The following PTPRG variants were observed in gnomAD, a reference collection of about 807,000 sequenced individuals.
PTPRG encodes the protein protein tyrosine phosphatase receptor type G.
In PTPRG, 102 loss-of-function variants were observed where a neutral mutation model predicts 165.3. The observed-to-expected ratio is 0.62, with a 90% CI of 0.53 to 0.73. PTPRG has a LOEUF of 0.73. Ranked by LOEUF, PTPRG falls within the 30% of genes least tolerant of loss-of-function variation. The pLI is 0.00. For missense variants in PTPRG, 1,866 were observed against 1,861.4 expected (o/e 1.00, Z -0.05); for synonymous variants, 675 against 669.5 (o/e 1.01, Z -0.13).
chr3:62,136,746 C>T (rs1703723218), intron 6 of PTPRG, among the ~76,000 whole-genome samples: 1 of 152,172 alleles, frequency 6.6e-6, no homozygotes, highest in Non-Finnish European at 1.5e-5. Context: ...AAGCTGTCTT[C>T]TCTTGTCTGC....
chr3:61,885,454 G>A (rs552041451), intron 2 of PTPRG, among the ~76,000 whole-genome samples: 5 of 150,736 alleles, frequency 3.3e-5, no homozygotes, highest in East Asian at 3.9e-4. Flanking sequence ...ATTAATTCAC[G>A]TGAGGACTCG....
intron 4 of PTPRG, among the ~76,000 whole-genome samples, chr3:62,004,314 C>T (rs1295961389): frequency 6.6e-6 from 1 of 152,138 alleles, no homozygotes; most frequent in African/African-American, 2.4e-5. Flanking sequence ...GGTTCTGAAA[C>T]CTGCCCAATA....
At position 61,945,462 on chromosome 3, in the gene PTPRG, G is replaced by A. The variant is rs377366738; in HGVS notation, c.191-44163G>A. Reference sequence around the variant, plus strand: ...TAATCCCAGCTACTCGGGAGGCTGCGGCAGGAGAATTGCTTGAACCCGGAA... The same window carrying A: ...TAATCCCAGCTACTCGGGAGGCTGCAGCAGGAGAATTGCTTGAACCCGGAA... On this transcript the variant is annotated intron_variant, in intron 2 of 29. Coordinates refer to ENST00000474889, the MANE Select transcript of PTPRG (RefSeq NM_002841.4). 9.3e-5 allele frequency among the ~76,000 whole-genome samples: 14 copies of A among 150,718 alleles called. No individual in the cohort carries two copies. The South Asian group carries it at 1.7e-3, about 18-fold the overall frequency.
At chr3:61,825,758 C>G (rs1242771934) in intron 2 of PTPRG, among the ~76,000 whole-genome samples, 1 of 142,966 alleles carries the variant, frequency 7.0e-6, no homozygotes, top group Non-Finnish European at 1.6e-5. Flanking sequence ...CATTCTCCCT[C>G]CTCATCCTCC....
chr3:62,090,621 C>T (rs961394217), intron 5 of PTPRG, among the ~76,000 whole-genome samples: 47 of 152,162 alleles, frequency 3.1e-4, no homozygotes, highest in African/African-American at 1.0e-3. Context: ...TGAAAAGAGA[C>T]TTTCAGTGTC....
intron 1 of PTPRG, among the ~76,000 whole-genome samples, chr3:61,692,714 A>G (rs2106664929): frequency 6.6e-6 from 1 of 152,330 alleles, no homozygotes; most frequent in East Asian, 1.9e-4. Flanking sequence ...AGCCAGGAGA[A>G]GGAATTTCAC....
chr3:61,650,993 T>C (rs760869999), intron 1 of PTPRG, among the ~76,000 whole-genome samples: 2 of 152,216 alleles, frequency 1.3e-5, no homozygotes, highest in Admixed American at 6.5e-5. Flanking sequence ...AGTAAAAGTT[T>C]ATATGACTCT....
intron 2 of PTPRG, among the ~76,000 whole-genome samples, chr3:61,801,277 GGGT>G (rs1420873997): frequency 6.0e-5 from 9 of 150,596 alleles, no homozygotes; most frequent in Admixed American, 4.6e-4. Flanking sequence ...CCACTGGGGA[GGGT>G]GGTGTGCGCA....
At chr3:61,750,808 C>A (rs996385390) in intron 2 of PTPRG, 1 of 152,076 alleles carries the variant, frequency 6.6e-6, no homozygotes, top group South Asian at 2.1e-4. Flanking sequence ...ATTTTTTTCT[C>A]ATTCATTAAA....
At chr3:62,014,090 C>A (rs1423905934) in intron 4 of PTPRG, among the ~76,000 whole-genome samples, 1 of 152,174 alleles carries the variant, frequency 6.6e-6, no homozygotes, top group Non-Finnish European at 1.5e-5. Flanking sequence ...AATCTAAAGC[C>A]TTTAGCAAGT....
chr3:61,847,671 A>G (rs1426756582), intron 2 of PTPRG, among the ~76,000 whole-genome samples: 1 of 152,198 alleles, frequency 6.6e-6, no homozygotes, highest in African/African-American at 2.4e-5. Context: ...AGCCAAGAAG[A>G]TAGAAGAGGT....
At position 61,701,183 on chromosome 3, in the gene PTPRG, G is replaced by A. The variant is rs114631842; in HGVS notation, c.86-47695G>A. 3.9e-3 allele frequency among the ~76,000 whole-genome samples: 591 copies of A among 152,276 alleles called. 2 individuals are homozygous for A. The highest frequency in any genetic ancestry group is 6.3e-3 in the Non-Finnish European group (426 of 68,022). ...TCACACCATATGGGCTTTTTCCTGT[G>A]GTGATTAATTAGGTTGCATGCTGAG... On this transcript the variant is annotated intron_variant, in intron 1 of 29. Coordinates refer to ENST00000474889, the MANE Select transcript of PTPRG (RefSeq NM_002841.4).
intron 2 of PTPRG, among the ~76,000 whole-genome samples, chr3:61,801,257 C>T (rs1382739929): frequency 4.6e-5 from 7 of 151,932 alleles, no homozygotes; most frequent in Non-Finnish European, 1.0e-4. Context: ...AGGTGCTCTC[C>T]AGGTACAGAC....
intron 2 of PTPRG, among the ~76,000 whole-genome samples, chr3:61,765,814 G>C (rs181916277): frequency 1.3e-5 from 2 of 152,236 alleles, no homozygotes; most frequent in East Asian, 3.9e-4. Flanking sequence ...TTGTGATGGG[G>C]TATAAATGCA....
intron 1 of PTPRG, among the ~76,000 whole-genome samples, chr3:61,655,158 G>A (rs1043823580): frequency 1.3e-5 from 2 of 152,102 alleles, no homozygotes; most frequent in Non-Finnish European, 2.9e-5. Context: ...CCTGCAGGTG[G>A]AATGGTTGAG....
chr3:61,793,231 A>G (rs950106487), intron 2 of PTPRG, among the ~76,000 whole-genome samples: 1 of 152,162 alleles, frequency 6.6e-6, no homozygotes, highest in Non-Finnish European at 1.5e-5. Flanking sequence ...GGAGTGGACC[A>G]CTTACCCAGC....
chr3:62,027,741 CA>C (rs1361896949), intron 4 of PTPRG, among the ~76,000 whole-genome samples: 1 of 152,050 alleles, frequency 6.6e-6, no homozygotes, highest in East Asian at 1.9e-4. Flanking sequence ...TTAAATCCAT[CA>C]AAAAACGTGC....
At chr3:61,684,693 A>G (rs982596336) in intron 1 of PTPRG, among the ~76,000 whole-genome samples, 2 of 152,226 alleles carry the variant, frequency 1.3e-5, no homozygotes, top group African/African-American at 4.8e-5. Context: ...AAACTGGACC[A>G]TGTGAAACAG....
At chr3:61,841,524 T>C (rs552823007) in intron 2 of PTPRG, among the ~76,000 whole-genome samples, 13 of 152,304 alleles carry the variant, frequency 8.5e-5, no homozygotes, top group Non-Finnish European at 1.8e-4. Context: ...ACCTTTTTAT[T>C]GAATCCGTTT....
Sources: gnomAD v4.1 joint callset for allele counts (sites outside exome capture counted in the v4.1 genomes callset) on GRCh38, gnomAD v4.1.1 for gene constraint, MANE v1.5 for transcripts, NCBI Gene and HGNC (gene_info 2026-07-23, HGNC 2026-07-21) for gene names.